MYOF: variants seen among roughly 807,000 people sequenced by gnomAD.
The protein encoded by MYOF is fer-1-like 3, myoferlin.
MYOF carries 244 observed loss-of-function variants against 284.2 expected under a neutral mutation model. The observed-to-expected ratio is 0.86, with a 90% CI of 0.77 to 0.95. MYOF has a LOEUF of 0.95. MYOF is among the 40% of genes least tolerant of loss of function. The pLI is 0.00. For synonymous variants in MYOF, 904 were observed against 919.7 expected (o/e 0.98, Z 0.31); for missense variants, 2,496 against 2,560.6 (o/e 0.97, Z 0.54).
At chr10:93,445,060 A>C (rs2056389936) in intron 3 of MYOF, among the ~76,000 whole-genome samples, 1 of 152,276 alleles carries the variant, frequency 6.6e-6, no homozygotes, top group Non-Finnish European at 1.5e-5. Context: ...AGCTTATAAA[A>C]GGTAGCAATA....
chr10:93,318,625 G>A (rs1182163666), intron 49 of MYOF, among the ~76,000 whole-genome samples: 1 of 151,468 alleles, frequency 6.6e-6, no homozygotes, highest in Non-Finnish European at 1.5e-5. Flanking sequence ...GGGCGTGATG[G>A]TACATGCCTG....
chr10:93,402,224 G>C lies in MYOF; in HGVS notation c.990+8C>G. ...GAAGTGTAGAAAGTAGAGAATGTAG[G>C]GACTCACAGGAGGCTCATCTCCGGT... On this transcript the variant is annotated splice_region_variant and intron_variant, in intron 11 of 53. Transcript: ENST00000359263. 1 of 1,606,824 alleles carries C rather than the reference G, an allele frequency of 6.2e-7. No individual in the cohort carries two copies. The highest frequency in any genetic ancestry group is 1.3e-5 in the African/African-American group (1 of 74,850).
chr10:93,325,857 A>G lies in MYOF; in HGVS notation c.5240T>C (p.Leu1747Ser). The change falls in exon 46 of 54, where the codon TTG becomes TCG. Residue 1747 changes from leucine to serine, a missense_variant. Around this residue, in one of 3 missense-constraint regions of MYOF, gnomAD observed 2,436 missense variants for 2,480.7 expected, o/e 0.98. Transcript: ENST00000359263. ...AATGTTGGGCTGGAAGGTGCTGTGC[A>G]AAGTCCTTGTTTCCACGTGCTCAGG... Reference protein sequence around the residue: ...LVPEHVETRTLHSTFQPNISQ... With the variant: ...LVPEHVETRTSHSTFQPNISQ... 1 of 1,614,108 alleles carries G rather than the reference A, an allele frequency of 6.2e-7. No homozygotes were observed. Among genetic ancestry groups the G allele is most frequent in the South Asian group, 1.1e-5 (1 of 91,062 alleles).
chr10:93,438,510 T>C (rs2056141887), intron 3 of MYOF, among the ~76,000 whole-genome samples: 1 of 152,104 alleles, frequency 6.6e-6, no homozygotes, highest in African/African-American at 2.4e-5. Context: ...TCCCAAAACA[T>C]TTCTCAGAAT....
Position 93,366,380 on chromosome 10 carries a change from T to C in MYOF, c.2753+12A>G, listed in dbSNP as rs1370413871. The C allele has an allele frequency of 6.2e-7, 1 of 1,608,110 alleles. No homozygotes were observed. The highest frequency in any genetic ancestry group is 8.5e-7 in the Non-Finnish European group (1 of 1,178,566). ...ATTGCTATCCTTTTTACTCAGAAAA[T>C]GGACAACTTACCTTCTTTCAGGATC... On this transcript the variant is annotated intron_variant, in intron 26 of 53. Coordinates refer to ENST00000359263, the MANE Select transcript of MYOF (RefSeq NM_013451.4).
intron 49 of MYOF, 28 bp downstream of exon 49, chr10:93,319,844 C>T (rs778846478): frequency 6.2e-7 from 1 of 1,613,690 alleles, no homozygotes. Context: ...ATGATACCCA[C>T]TTCCCAGCGG....
At chr10:93,322,909 GCT>G (rs1039994927) in intron 48 of MYOF, among the ~76,000 whole-genome samples, 167 bp downstream of exon 48, 13 of 152,166 alleles carry the variant, frequency 8.5e-5, no homozygotes, top group African/African-American at 2.9e-4. Context: ...TACAGGTCTT[GCT>G]CTCTCTCCTT....
chr10:93,348,340 G>A (rs1007430595), intron 36 of MYOF, among the ~76,000 whole-genome samples: 3 of 152,142 alleles, frequency 2.0e-5, no homozygotes, highest in African/African-American at 7.2e-5. Context: ...GTGTAAAAAT[G>A]GATTGCTACT....
At chr10:93,328,728 T>A (rs1843165595) in intron 45 of MYOF, 35 bp downstream of exon 45, 1 of 1,592,824 alleles carries the variant, frequency 6.3e-7, no homozygotes, top group Non-Finnish European at 8.6e-7. Flanking sequence ...TTACTATACT[T>A]TGTACCAGTT....
In MYOF at chr10:93,421,221, AAAAG is replaced by A. The variant is rs1036740212; in HGVS notation, c.433+4846_433+4849del. On this transcript the variant is annotated intron_variant, in intron 5 of 53. Transcript: ENST00000359263. The stretch of plus-strand genomic sequence containing the variant: ...GACAGACTGAGATTCCACTTCAAAA[AAAAG>A]AAAGAAAGAAAGAAAGTTAATTGAA... Among the ~76,000 whole-genome samples, 101 of 152,340 alleles carry A rather than the reference AAAAG, an allele frequency of 6.6e-4. 1 individual carries two copies. The highest frequency in any genetic ancestry group is 1.6e-3 in the African/African-American group (67 of 41,560).
At chr10:93,416,598 CTTTT>C (rs374329657) in intron 5 of MYOF, among the ~76,000 whole-genome samples, 16 of 119,766 alleles carry the variant, frequency 1.3e-4, no homozygotes, top group Admixed American at 1.7e-4. Context: ...TTTGATCAGG[CTTTT>C]TTTTTTTTTT....
chr10:93,310,405 C>A, intron 52 of MYOF, 129 bp downstream of exon 52: 1 of 1,037,756 alleles, frequency 9.6e-7, no homozygotes, highest in South Asian at 1.6e-5. Flanking sequence ...CCTCTCCACC[C>A]CCACCCACCA....
chr10:93,466,863 A>T (rs977088600), intron 1 of MYOF, among the ~76,000 whole-genome samples: 1 of 151,986 alleles, frequency 6.6e-6, no homozygotes, highest in African/African-American at 2.4e-5. Context: ...GGTCCCAATT[A>T]CTCACTTAGG....
At chr10:93,334,777 C>T (rs1843519457) in intron 41 of MYOF, among the ~76,000 whole-genome samples, 2 of 152,038 alleles carry the variant, frequency 1.3e-5, no homozygotes, top group Non-Finnish European at 2.9e-5. Context: ...TACTAGGGAC[C>T]CACAAAAGAA....
At chr10:93,323,394 A>T in intron 46 of MYOF, 36 bp from the exon 47 acceptor site, 1 of 1,535,230 alleles carries the variant, frequency 6.5e-7, no homozygotes. Flanking sequence ...GACTGAAGTT[A>T]TATGATGGGT....
intron 48 of MYOF, among the ~76,000 whole-genome samples, chr10:93,321,841 G>T (rs1286184461): frequency 6.6e-6 from 1 of 152,122 alleles, no homozygotes; most frequent in Non-Finnish European, 1.5e-5. Flanking sequence ...ACCCAGCTGT[G>T]TCTAGCACTA....
chr10:93,377,045 G>A (rs188969267), intron 22 of MYOF, among the ~76,000 whole-genome samples: 60 of 152,146 alleles, frequency 3.9e-4, no homozygotes, highest in African/African-American at 1.2e-3. Context: ...TTCTTTCTCC[G>A]CTCCCCATCC....
At chr10:93,311,811 C>T (rs182591742) in intron 51 of MYOF, among the ~76,000 whole-genome samples, 1 of 152,298 alleles carries the variant, frequency 6.6e-6, no homozygotes, top group Admixed American at 6.5e-5. Context: ...CTCTCCAAGA[C>T]TGTTTTTGGA....
rs954104332 is a variant in MYOF, at chr10:93,349,868, C to T, written c.4023G>A (p.Val1341=). The change falls in exon 36 of 54, where the codon GTG becomes GTA. Residue 1341 remains valine, a synonymous_variant. Coordinates refer to ENST00000359263, the MANE Select transcript of MYOF (RefSeq NM_013451.4). ...VECGGERVES[V]VIKNLKKTPN... The stretch of plus-strand genomic sequence containing the variant: ...GTGTCTTCTTAAGGTTTTTGATCAC[C>T]ACCGATTCCACCCTTTCTCCTCCAC... The T allele has an allele frequency of 9.3e-6, 15 of 1,614,014 alleles. No homozygotes were observed. Among genetic ancestry groups the T allele is most frequent in the Non-Finnish European group, 1.3e-5 (15 of 1,180,008 alleles).
Sources: gnomAD v4.1 joint callset for allele counts (sites outside exome capture counted in the v4.1 genomes callset) on GRCh38, gnomAD v4.1.1 for gene constraint, gnomAD v4.1.1 regional missense constraint, MANE v1.5 for transcripts, NCBI Gene and HGNC (gene_info 2026-07-23, HGNC 2026-07-21) for gene names.